The following SFMBT2 variants were observed in gnomAD, a reference collection of about 807,000 sequenced individuals.
SFMBT2 encodes Scm like with four mbt domains 2.
Under a neutral mutation model 110.1 loss-of-function variants are expected in SFMBT2, and 38 were observed. The ratio of observed to expected loss-of-function variants is 0.35; its 90% CI spans 0.27 to 0.45. The LOEUF (loss-of-function observed/expected upper bound fraction) is 0.45. Among genes scored for constraint, SFMBT2 ranks in the 20% least tolerant of loss-of-function variants. The probability of loss-of-function intolerance (pLI) is 1.00; values close to 1 mark genes in which losing one functional copy is unlikely to be tolerated. For missense variants in SFMBT2, 1,011 were observed against 1,094.9 expected, an observed-to-expected ratio of 0.92 and a Z score of 1.08; for synonymous variants, 425 against 425.4, an observed-to-expected ratio of 1.00 and a Z score of 0.01.
At chr10:7,297,070 TCTA>T (rs1842425862) in intron 4 of SFMBT2, among the ~76,000 whole-genome samples, 1 of 152,240 alleles carries the variant, frequency 6.6e-6, no homozygotes, top group Admixed American at 6.5e-5. Context: ...TTCTATTGGT[TCTA>T]CTTCTTTGGA....
In SFMBT2 at chr10:7,367,568, GT is replaced by G; in HGVS notation, c.436+80del. On this transcript the variant is annotated intron_variant, in intron 4 of 20. Coordinates refer to ENST00000397167, the MANE Select transcript of SFMBT2 (RefSeq NM_001387889.1). This position sits in a 1 kb window ranked among gnomAD's most constrained non-coding sequence, Gnocchi z 6.2. The stretch of plus-strand genomic sequence containing the variant: ...AAGACCATTAGGGATTCTACGCAAG[GT>G]TCTCTCTGCTCCTTGCAAAATTACA... The G allele has an allele frequency of 6.5e-7, 1 of 1,538,612 alleles. No individual in the cohort carries two copies. Among genetic ancestry groups the G allele is most frequent in the Non-Finnish European group, 8.7e-7 (1 of 1,146,802 alleles).
intron 4 of SFMBT2, among the ~76,000 whole-genome samples, chr10:7,349,682 C>T (rs900113501): frequency 1.3e-5 from 2 of 151,854 alleles, no homozygotes; most frequent in Admixed American, 6.6e-5. Flanking sequence ...TGGTCTCAAA[C>T]TCCTGACCTA....
At chr10:7,338,146 T>C (rs1843773931) in intron 4 of SFMBT2, among the ~76,000 whole-genome samples, 1 of 152,226 alleles carries the variant, frequency 6.6e-6, no homozygotes, top group Non-Finnish European at 1.5e-5. Flanking sequence ...TAAGTTGCCT[T>C]GTCCTGCTCT....
intron 6 of SFMBT2, among the ~76,000 whole-genome samples, chr10:7,282,645 G>A (rs57025702): frequency 0.027 from 4,060 of 152,210 alleles, 189 homozygotes; most frequent in African/African-American, 0.093. Context: ...CACATTACGC[G>A]TCTCTAAGCC....
chr10:7,379,922 T>C (rs2132078827), intron 2 of SFMBT2, among the ~76,000 whole-genome samples: 1 of 152,194 alleles, frequency 6.6e-6, no homozygotes, highest in South Asian at 2.1e-4. Flanking sequence ...CATTAATGAG[T>C]TTCAGAAACT....
chr10:7,202,885 A>T, intron 12 of SFMBT2: 4 of 985,470 alleles, frequency 4.1e-6, no homozygotes, highest in Non-Finnish European at 3.6e-6. Flanking sequence ...TCCAATAAAA[A>T]TTGTGATGAA....
intron 2 of SFMBT2, among the ~76,000 whole-genome samples, chr10:7,380,264 ACTTGCAGG>A (rs1215159953): frequency 5.9e-5 from 9 of 152,350 alleles, no homozygotes; most frequent in African/African-American, 1.9e-4. Flanking sequence ...ATCCAGCTTT[ACTTGCAGG>A]AGAAGTCTTC....
At chr10:7,210,431 G>GCGAGGGAGGCTACAAGCCCACC (rs1290694370) in intron 11 of SFMBT2, among the ~76,000 whole-genome samples, 22 of 152,196 alleles carry the variant, frequency 1.4e-4, no homozygotes, top group Non-Finnish European at 2.9e-4. Context: ...GGGACCCAGG[G>GCGAGGGAGGCTACAAGCCCACC]CGAGGGAGGC....
intron 4 of SFMBT2, among the ~76,000 whole-genome samples, chr10:7,306,297 G>A (rs1424065163): frequency 1.3e-5 from 2 of 152,248 alleles, no homozygotes; most frequent in African/African-American, 4.8e-5. Flanking sequence ...GCAAGGCTCA[G>A]AAGCCAAGAG....
intron 1 of SFMBT2, among the ~76,000 whole-genome samples, chr10:7,388,524 ATTTTTTTTTTT>A (rs60231769): frequency 8.9e-6 from 1 of 112,094 alleles, no homozygotes; most frequent in African/African-American, 3.6e-5. Context: ...TACCCAGCTA[ATTTTTTTTTTT>A]TTTTTTTTTT....
At chr10:7,384,574 G>A (rs1845534385) in intron 1 of SFMBT2, among the ~76,000 whole-genome samples, 1 of 152,148 alleles carries the variant, frequency 6.6e-6, no homozygotes, top group African/African-American at 2.4e-5. Context: ...CATCTGCAAT[G>A]TAATGAGCTT....
At chr10:7,289,621 C>T (rs182934524) in intron 4 of SFMBT2, among the ~76,000 whole-genome samples, 9 of 152,258 alleles carry the variant, frequency 5.9e-5, no homozygotes, top group South Asian at 2.1e-4. Flanking sequence ...CGTATACAGA[C>T]CACTTTAGGT....
intron 7 of SFMBT2, among the ~76,000 whole-genome samples, chr10:7,251,193 G>A (rs1275407542): frequency 3.3e-5 from 5 of 151,384 alleles, no homozygotes; most frequent in Admixed American, 1.3e-4. Context: ...GATTAAAAGT[G>A]GGCTGGACGC....
At chr10:7,291,586 A>C (rs986716128) in intron 4 of SFMBT2, among the ~76,000 whole-genome samples, 3 of 152,122 alleles carry the variant, frequency 2.0e-5, no homozygotes, top group Non-Finnish European at 2.9e-5. Flanking sequence ...TTTGATCAGA[A>C]GCTTTCCTGG....
At chr10:7,273,541 G>A (rs1182916107) in intron 7 of SFMBT2, among the ~76,000 whole-genome samples, 1 of 152,174 alleles carries the variant, frequency 6.6e-6, no homozygotes, top group African/African-American at 2.4e-5. Context: ...TGTTACATAT[G>A]TATACATGTG....
In SFMBT2 at chr10:7,214,585, G is replaced by T. The variant is rs114508445; in HGVS notation, c.1330+5826C>A. 198 of 985,466 alleles carry T rather than the reference G, an allele frequency of 2.0e-4. 1 individual carries two copies. In the African/African-American group the frequency reaches 3.2e-3, roughly 16 times the overall value. The allele number at this position is 985,466 out of a possible 1,614,324, so 61.0% of individuals were successfully genotyped here. A position where few individuals can be genotyped will look rare whatever the true frequency, so the allele number is the denominator to read the frequency against. ...TACGGACTTATGGGATCCCCATACT[G>T]CTCCTCAAACACACTTGCAGAAATC... On this transcript the variant is annotated intron_variant, in intron 11 of 20. Transcript: ENST00000397167.
chr10:7,411,065 C>CTTTTT (rs766788794), upstream of SFMBT2, among the ~76,000 whole-genome samples: 79 of 53,912 alleles, frequency 1.5e-3, 12 homozygotes, highest in African/African-American at 6.4e-3. Context: ...GCTCGGCGCT[C>CTTTTT]TTTTTTTTTT....
Position 7,288,194 on chromosome 10 carries a change from T to C in SFMBT2, c.437-2240A>G, listed in dbSNP as rs760858920. Among the ~76,000 whole-genome samples the C allele has an allele frequency of 3.3e-5, 5 of 152,300 alleles. 1 individual carries two copies. The South Asian group carries it at 1.0e-3, about 32-fold the overall frequency. The stretch of plus-strand genomic sequence containing the variant: ...GTGGCCGGACCTGCTGCTTCATCAC[T>C]AACGTGCCTCTCAGTCAACATCCGC... On this transcript the variant is annotated intron_variant, in intron 4 of 20. Coordinates refer to ENST00000397167, the MANE Select transcript of SFMBT2 (RefSeq NM_001387889.1).
chr10:7,302,976 A>T (rs1842593549), intron 4 of SFMBT2, among the ~76,000 whole-genome samples: 1 of 150,730 alleles, frequency 6.6e-6, no homozygotes, highest in South Asian at 2.1e-4. Flanking sequence ...ATCATAAAAC[A>T]TTTCAATAAA....
Sources: gnomAD v4.1 joint callset for allele counts (sites outside exome capture counted in the v4.1 genomes callset) on GRCh38, gnomAD v4.1.1 for gene constraint, Gnocchi (gnomAD v3.1) non-coding constraint, MANE v1.5 for transcripts, NCBI Gene and HGNC (gene_info 2026-07-23, HGNC 2026-07-21) for gene names.